DHX32: variants seen among roughly 807,000 people sequenced by gnomAD.
DHX32 encodes the protein putative pre-mRNA-splicing factor ATP-dependent RNA helicase DHX32.
DHX32 carries 51 observed loss-of-function variants against 70.0 expected under a neutral mutation model. The observed-to-expected ratio is 0.73, with a 90% CI of 0.58 to 0.92. DHX32 has a LOEUF of 0.92. Ranked by LOEUF, DHX32 falls within the 40% of genes least tolerant of loss-of-function variation. DHX32 has a pLI of 0.00. For missense variants in DHX32, 762 were observed against 891.8 expected (o/e 0.85, Z 1.85); for synonymous variants, 310 against 315.3 (o/e 0.98, Z 0.18).
At chr10:125,868,670 C>A (rs1042897681) in intron 1 of DHX32, among the ~76,000 whole-genome samples, 1 of 152,204 alleles carries the variant, frequency 6.6e-6, no homozygotes, top group Admixed American at 6.5e-5. Flanking sequence ...AACGTGGAAT[C>A]AAGGCAAGAT....
intron 1 of DHX32, among the ~76,000 whole-genome samples, chr10:125,877,280 C>T (rs1363409196): frequency 3.9e-5 from 6 of 152,166 alleles, no homozygotes; most frequent in Non-Finnish European, 8.8e-5. Flanking sequence ...TTTGTTATAA[C>T]AATAACAGCG....
intron 7 of DHX32, 62 bp downstream of exon 7, chr10:125,841,681 G>C (rs532560567): frequency 6.4e-7 from 1 of 1,569,984 alleles, no homozygotes; most frequent in Non-Finnish European, 8.6e-7. Context: ...AAATGGATCC[G>C]ATCTAAATCT....
At chr10:125,889,444 A>G (rs199797193) in intron 1 of DHX32, among the ~76,000 whole-genome samples, 2 of 152,178 alleles carry the variant, frequency 1.3e-5, no homozygotes, top group Non-Finnish European at 2.9e-5. Context: ...TTATTTTTGG[A>G]GAGCGGGATC....
chr10:125,895,798 G>C (rs1189246676), intron 1 of DHX32, among the ~76,000 whole-genome samples: 1 of 152,200 alleles, frequency 6.6e-6, no homozygotes. Flanking sequence ...AATGGGACAC[G>C]GGGATGACGG....
At position 125,855,700 on chromosome 10, in the gene DHX32, T is replaced by G. The variant is rs188146537; in HGVS notation, c.850-1497A>C. ...CTCCTGACCTCATGATCTGCCTGCC[T>G]TGGCCTCCCAAAGTGCTGGGATTAC... On this transcript the variant is annotated intron_variant, in intron 3 of 10. Transcript: ENST00000284690. Among the ~76,000 whole-genome samples, 552 of 152,302 alleles carry G rather than the reference T, an allele frequency of 3.6e-3. 2 individuals are homozygous for G. Among genetic ancestry groups the G allele is most frequent in the Middle Eastern group, 0.01 (3 of 294 alleles).
chr10:125,876,109 G>A (rs755237329), intron 1 of DHX32, among the ~76,000 whole-genome samples: 1 of 152,166 alleles, frequency 6.6e-6, no homozygotes, highest in Non-Finnish European at 1.5e-5. Context: ...TAACTCCTCT[G>A]TTGTCCCTAC....
In DHX32 at chr10:125,836,800, T is replaced by A; in HGVS notation, c.2119A>T (p.Lys707Ter). 1.9e-6 allele frequency: 3 copies of A among 1,614,170 alleles called. No homozygotes were observed. Among genetic ancestry groups the A allele is most frequent in the Non-Finnish European group, 2.5e-6 (3 of 1,180,008 alleles). Reference sequence around the variant, plus strand: ...TCCACTACTTGCTGTAGAATGTCCTTACTTTCACTAGGAGGCAGATTACTG... The same window carrying A: ...TCCACTACTTGCTGTAGAATGTCCTAACTTTCACTAGGAGGCAGATTACTG... ...YFSNLPPSES[K>*]DILQQVVDHL... Residue 707 changes from lysine to a stop codon, truncating the protein, a stop_gained, in exon 11 of 11, where the codon AAG becomes TAG. Coordinates refer to ENST00000284690, the MANE Select transcript of DHX32 (RefSeq NM_018180.3). LOFTEE classifies it low-confidence loss of function (END_TRUNC).
chr10:125,868,957 A>G (rs1025082385), intron 1 of DHX32, among the ~76,000 whole-genome samples: 1 of 152,094 alleles, frequency 6.6e-6, no homozygotes, highest in Non-Finnish European at 1.5e-5. Context: ...CGGCCCCTCA[A>G]ATGAGCTCTA....
At chr10:125,895,697 G>A (rs61871908) in intron 1 of DHX32, among the ~76,000 whole-genome samples, 1 of 152,300 alleles carries the variant, frequency 6.6e-6, no homozygotes, top group Non-Finnish European at 1.5e-5. Flanking sequence ...GGCAGATTCC[G>A]TAACTCAACC....
chr10:125,884,834 T>C (rs1944334048), upstream of DHX32, among the ~76,000 whole-genome samples: 1 of 152,196 alleles, frequency 6.6e-6, no homozygotes, highest in Non-Finnish European at 1.5e-5. Flanking sequence ...TTACTTTTCA[T>C]GTATCAAATA....
At chr10:125,843,138 C>A (rs1196096749) in intron 6 of DHX32, among the ~76,000 whole-genome samples, 1 of 151,888 alleles carries the variant, frequency 6.6e-6, no homozygotes, top group Non-Finnish European at 1.5e-5. Flanking sequence ...ATTGTTATAC[C>A]CCAAAACTGC....
chr10:125,883,304 A>T (rs1294947914), upstream of DHX32, among the ~76,000 whole-genome samples: 1 of 152,192 alleles, frequency 6.6e-6, no homozygotes, highest in African/African-American at 2.4e-5. Context: ...TTCCAAATGG[A>T]GAGGTAGAGT....
chr10:125,837,170 C>T (rs980567680), intron 10 of DHX32, among the ~76,000 whole-genome samples: 3 of 152,200 alleles, frequency 2.0e-5, no homozygotes, highest in South Asian at 2.1e-4. Flanking sequence ...AGGCACCAAT[C>T]GTATGCTTAA....
chr10:125,871,551 A>G (rs1944255821), intron 1 of DHX32, among the ~76,000 whole-genome samples: 1 of 152,206 alleles, frequency 6.6e-6, no homozygotes, highest in African/African-American at 2.4e-5. Context: ...CAAACTGAAA[A>G]GGTTATCTCC....
At chr10:125,893,619 C>A (rs1197657506) in intron 1 of DHX32, among the ~76,000 whole-genome samples, 1 of 152,136 alleles carries the variant, frequency 6.6e-6, no homozygotes, top group Admixed American at 6.5e-5. Flanking sequence ...TGAATGTAGA[C>A]CATGACAAGT....
intron 6 of DHX32, among the ~76,000 whole-genome samples, chr10:125,844,839 T>A (rs1015490730): frequency 6.6e-6 from 1 of 152,238 alleles, no homozygotes; most frequent in Non-Finnish European, 1.5e-5. Context: ...TCATCTTTAT[T>A]AAGCTCGCTT....
chr10:125,867,652 C>A (rs7924055), intron 1 of DHX32, among the ~76,000 whole-genome samples: 3,811 of 149,378 alleles, frequency 0.026, 164 homozygotes, highest in African/African-American at 0.088. Flanking sequence ...AGGAGAATGG[C>A]GTGAACCCGG....
intron 3 of DHX32, among the ~76,000 whole-genome samples, chr10:125,859,026 T>A (rs892916880): frequency 6.7e-6 from 1 of 148,720 alleles, no homozygotes; most frequent in South Asian, 2.2e-4. Flanking sequence ...TAAAGGTTTT[T>A]TTTTTTGTTT....
intron 1 of DHX32, among the ~76,000 whole-genome samples, chr10:125,868,587 G>A (rs1238064821): frequency 5.9e-5 from 9 of 152,166 alleles, no homozygotes; most frequent in Non-Finnish European, 1.5e-5. Flanking sequence ...CAGGTTGCAA[G>A]TTATCAGTAA....
Sources: gnomAD v4.1 joint callset for allele counts (sites outside exome capture counted in the v4.1 genomes callset) on GRCh38, gnomAD v4.1.1 for gene constraint, MANE v1.5 for transcripts, NCBI Gene and HGNC (gene_info 2026-07-23, HGNC 2026-07-21) for gene names.